COL21A1: variants seen among roughly 807,000 people sequenced by gnomAD.
The protein encoded by COL21A1 is collagen type XXI alpha 1 chain.
COL21A1 carries 149 observed loss-of-function variants against 137.9 expected under a neutral mutation model. That is an observed-to-expected ratio of 1.08 (90% confidence interval 0.95 to 1.24). COL21A1 has a LOEUF of 1.24. Ranked by LOEUF, COL21A1 falls within the 50% of genes most tolerant of loss-of-function variation. COL21A1 has a pLI of 0.00. For missense variants in COL21A1, 1,167 were observed against 1,158.4 expected, an observed-to-expected ratio of 1.01 and a Z score of -0.11; for synonymous variants, 456 against 391.5, an observed-to-expected ratio of 1.16 and a Z score of -1.95.
At chr6:56,219,239 A>AAT (rs61465988) in intron 1 of COL21A1, among the ~76,000 whole-genome samples, 2 of 149,484 alleles carry the variant, frequency 1.3e-5, no homozygotes, top group East Asian at 2.0e-4. Flanking sequence ...AAAAAAAAAA[A>AAT]GGTCACGGTC....
At chr6:56,224,661 T>C (rs1399738813) in intron 1 of COL21A1, among the ~76,000 whole-genome samples, 1 of 151,962 alleles carries the variant, frequency 6.6e-6, no homozygotes, top group Non-Finnish European at 1.5e-5. Context: ...TGTAACTAAA[T>C]CAAAACAAAA....
chr6:56,110,970 A>C (rs547544093), intron 16 of COL21A1, among the ~76,000 whole-genome samples: 2 of 152,250 alleles, frequency 1.3e-5, no homozygotes, highest in South Asian at 4.1e-4. Context: ...CACCTTGAGT[A>C]GGGCTTGAAT....
At position 56,388,671 on chromosome 6, in the gene COL21A1, G is replaced by A. The variant is rs6901591; in HGVS notation, c.-39+5300C>T. ...AATATGTCCTTCTCAAAAAGGATGAGTACAAACAAGCCCAGACTGCAAAGA... is the reference window on the plus strand; with the variant it reads ...AATATGTCCTTCTCAAAAAGGATGAATACAAACAAGCCCAGACTGCAAAGA... On this transcript the variant is annotated intron_variant, in intron 1 of 28. Coordinates refer to the COL21A1 transcript ENST00000370819. Among the ~76,000 whole-genome samples the A allele has an allele frequency of 8.7e-3, 1,330 of 152,242 alleles. 6 individuals are homozygous for A. The highest frequency in any genetic ancestry group is 0.031 in the African/African-American group (1,272 of 41,528).
At chr6:56,274,933 T>C (rs1224068077) in intron 1 of COL21A1, among the ~76,000 whole-genome samples, 1 of 151,616 alleles carries the variant, frequency 6.6e-6, no homozygotes, top group Admixed American at 6.6e-5. Flanking sequence ...AGAATAAATC[T>C]AGAGGCATCA....
chr6:56,153,214 T>C (rs1279021169), intron 10 of COL21A1, among the ~76,000 whole-genome samples: 1 of 152,156 alleles, frequency 6.6e-6, no homozygotes, highest in Non-Finnish European at 1.5e-5. Context: ...AAATAGAAGC[T>C]GTCTTATGAT....
intron 1 of COL21A1, among the ~76,000 whole-genome samples, chr6:56,266,361 T>G (rs1423530414): frequency 1.3e-5 from 2 of 152,234 alleles, no homozygotes; most frequent in South Asian, 4.1e-4. Context: ...TAAATAAAGT[T>G]TCATTGGAAC....
At chr6:56,092,027 ATTCTTTGAAGCAATCTTG>A (rs1768864678) in intron 17 of COL21A1, among the ~76,000 whole-genome samples, 1 of 152,186 alleles carries the variant, frequency 6.6e-6, no homozygotes, top group East Asian at 1.9e-4. Flanking sequence ...AATATTAAGG[ATTCTTTGAAGCAATCTTG>A]TCCTTTATTC....
intron 1 of COL21A1, among the ~76,000 whole-genome samples, chr6:56,336,515 G>A (rs1381565537): frequency 6.6e-6 from 1 of 152,056 alleles, no homozygotes; most frequent in African/African-American, 2.4e-5. Flanking sequence ...CCCTGAAAAT[G>A]GGGGCATATA....
intron 1 of COL21A1, among the ~76,000 whole-genome samples, chr6:56,285,833 T>C (rs570882211): frequency 1.5e-5 from 2 of 134,076 alleles, no homozygotes; most frequent in East Asian, 4.9e-4. Flanking sequence ...GAAGGCACAG[T>C]CTTTGCAATA....
intron 1 of COL21A1, among the ~76,000 whole-genome samples, chr6:56,333,977 T>C (rs1765285846): frequency 6.6e-6 from 1 of 152,116 alleles, no homozygotes; most frequent in Non-Finnish European, 1.5e-5. Flanking sequence ...GGGTTCTATA[T>C]ATGTTCTGGT....
chr6:56,144,685 T>C (rs947139223), intron 10 of COL21A1, among the ~76,000 whole-genome samples: 4 of 152,304 alleles, frequency 2.6e-5, no homozygotes, highest in Admixed American at 2.6e-4. Context: ...TTTTAACAGA[T>C]TAAAACAACT....
intron 17 of COL21A1, among the ~76,000 whole-genome samples, chr6:56,099,950 A>C (rs1485218081): frequency 6.6e-6 from 1 of 152,042 alleles, no homozygotes; most frequent in East Asian, 1.9e-4. Flanking sequence ...ATCATTCCAC[A>C]CACACCAGGA....
intron 1 of COL21A1, among the ~76,000 whole-genome samples, chr6:56,333,673 G>C (rs1765279627): frequency 1.3e-5 from 2 of 151,996 alleles, no homozygotes; most frequent in African/African-American, 4.8e-5. Flanking sequence ...GGATCATGTA[G>C]GTTAAGTTTC....
At chr6:56,105,044 A>G (rs944616748) in intron 16 of COL21A1, among the ~76,000 whole-genome samples, 2 of 152,202 alleles carry the variant, frequency 1.3e-5, no homozygotes, top group Non-Finnish European at 2.9e-5. Flanking sequence ...TAAACAAATC[A>G]CTAGCATGCC....
intron 16 of COL21A1, among the ~76,000 whole-genome samples, chr6:56,112,586 A>C (rs944169841): frequency 2.2e-4 from 34 of 152,128 alleles, no homozygotes; most frequent in Non-Finnish European, 4.3e-4. Context: ...ACAATTGTGA[A>C]CCACTGAAAC....
rs1775787401 is a variant in COL21A1, at chr6:56,156,942, G to A, written c.1379C>T (p.Pro460Leu). Reference sequence around the variant, plus strand: ...GTAGCCAGGGTTCCCAGGCAGTCCAGGGTCACCCTAAGCAGGAAGCAAACA... The same window carrying A: ...GTAGCCAGGGTTCCCAGGCAGTCCAAGGTCACCCTAAGCAGGAAGCAAACA... Reference protein sequence around the residue: ...KPGLQGPKGDPGLPGNPGYPG... With the variant: ...KPGLQGPKGDLGLPGNPGYPG... Residue 460 changes from proline (P) to leucine (L), a missense_variant, in exon 10 of 30, where the codon CCT becomes CTT. Physicochemically the swap from Pro to Leu is moderately conservative, Grantham distance 98 (BLOSUM62 -3). Transcript: ENST00000244728. The A allele has an allele frequency of 1.9e-6, 3 of 1,611,012 alleles. No homozygotes were observed. Among genetic ancestry groups the A allele is most frequent in the African/African-American group, 1.3e-5 (1 of 74,958 alleles).
At chr6:56,276,103 C>G (rs185508673) in intron 1 of COL21A1, among the ~76,000 whole-genome samples, 29 of 152,192 alleles carry the variant, frequency 1.9e-4, no homozygotes, top group African/African-American at 7.0e-4. Context: ...AAATCAGAGG[C>G]AAATTAACAC....
intron 1 of COL21A1, among the ~76,000 whole-genome samples, chr6:56,238,120 C>A (rs527697240): frequency 2.6e-5 from 4 of 152,104 alleles, no homozygotes; most frequent in Admixed American, 2.0e-4. Context: ...CAATCAACAA[C>A]CTGCTCAAAG....
intron 1 of COL21A1, among the ~76,000 whole-genome samples, chr6:56,202,619 C>G (rs1303612712): frequency 6.6e-6 from 1 of 152,192 alleles, no homozygotes; most frequent in African/African-American, 2.4e-5. Context: ...CCTAAGTGAT[C>G]TCTTAACCAC....
Sources: allele counts gnomAD v4.1 joint callset (sites outside exome capture counted in the v4.1 genomes callset), GRCh38; gene constraint gnomAD v4.1.1; transcripts MANE v1.5; gene names NCBI Gene and HGNC (gene_info 2026-07-23, HGNC 2026-07-21).